Variants in FAT3 observed in about 807,000 individuals in gnomAD.
FAT3 encodes the protein protocadherin Fat 3.
In FAT3, 95 loss-of-function variants were observed where a neutral mutation model predicts 310.2. The ratio of observed to expected loss-of-function variants is 0.31; its 90% CI spans 0.26 to 0.36. The LOEUF (loss-of-function observed/expected upper bound fraction) is 0.36. FAT3 is among the 10% of genes least tolerant of loss of function. FAT3 has a pLI of 1.00. For missense variants in FAT3, 5,408 were observed against 5,715.6 expected (o/e 0.95, Z 1.74); for synonymous variants, 2,314 against 2,192.9 (o/e 1.06, Z -1.54).
chr11:92,446,232 A>G (rs1951204386), intron 2 of FAT3, among the ~76,000 whole-genome samples: 1 of 152,226 alleles, frequency 6.6e-6, no homozygotes, highest in African/African-American at 2.4e-5. Flanking sequence ...TTACATGCAC[A>G]ATCACAAAAT....
At chr11:92,358,645 C>G (rs1439323582) in intron 2 of FAT3, among the ~76,000 whole-genome samples, 2 of 152,004 alleles carry the variant, frequency 1.3e-5, no homozygotes, top group African/African-American at 4.8e-5. Flanking sequence ...AGAATCTAAG[C>G]CCAAGGAGCT....
chr11:92,328,021 T>G (rs1947811565), intron 1 of FAT3, among the ~76,000 whole-genome samples: 1 of 152,188 alleles, frequency 6.6e-6, no homozygotes, highest in African/African-American at 2.4e-5. Flanking sequence ...GCTATGATTT[T>G]CAGCCTTGCA....
chr11:92,292,970 A>G (rs891778882), intron 1 of FAT3, among the ~76,000 whole-genome samples: 4 of 150,694 alleles, frequency 2.7e-5, no homozygotes, highest in African/African-American at 7.3e-5. Context: ...CAATGATTGC[A>G]CTTGTGAATA....
chr11:92,358,390 A>G (rs1948790344), intron 2 of FAT3, among the ~76,000 whole-genome samples: 2 of 152,074 alleles, frequency 1.3e-5, no homozygotes, highest in South Asian at 4.2e-4. Flanking sequence ...ATCCTAATCC[A>G]TTGCCCTTTC....
chr11:92,513,485 A>G (rs2135319557), intron 2 of FAT3, among the ~76,000 whole-genome samples: 1 of 152,344 alleles, frequency 6.6e-6, no homozygotes, highest in Non-Finnish European at 1.5e-5. Context: ...GCTCTCAGAA[A>G]TAAATCTAGT....
At chr11:92,825,831 T>G (rs1948087908) in intron 13 of FAT3, among the ~76,000 whole-genome samples, 1 of 152,056 alleles carries the variant, frequency 6.6e-6, no homozygotes, top group Admixed American at 6.5e-5. Context: ...TAGGAGTCCC[T>G]TAAGGCAGTC....
chr11:92,362,289 C>G (rs1402040549), intron 2 of FAT3, among the ~76,000 whole-genome samples: 2 of 152,168 alleles, frequency 1.3e-5, no homozygotes, highest in African/African-American at 4.8e-5. Context: ...TACTGTCAAG[C>G]TAATTTCTAT....
At chr11:92,560,101 C>T (rs1231231160) in intron 3 of FAT3, among the ~76,000 whole-genome samples, 1 of 152,102 alleles carries the variant, frequency 6.6e-6, no homozygotes, top group African/African-American at 2.4e-5. Flanking sequence ...TCAGTTTTTC[C>T]ACACACTCCT....
intron 3 of FAT3, among the ~76,000 whole-genome samples, chr11:92,626,883 G>A (rs1017989264): frequency 2.0e-5 from 3 of 152,200 alleles, no homozygotes; most frequent in African/African-American, 7.2e-5. Flanking sequence ...TATGGAGGGA[G>A]CCCCCATCAT....
intron 2 of FAT3, among the ~76,000 whole-genome samples, chr11:92,379,106 T>C (rs547436762): frequency 2.0e-5 from 3 of 152,276 alleles, no homozygotes; most frequent in Admixed American, 2.0e-4. Context: ...TCCATATGCT[T>C]TCTGTAAGAA....
intron 2 of FAT3, among the ~76,000 whole-genome samples, chr11:92,492,275 C>T (rs545793853): frequency 6.6e-6 from 1 of 151,510 alleles, no homozygotes; most frequent in East Asian, 2.0e-4. Flanking sequence ...ATCCATCCAT[C>T]CATCCATCCA....
At chr11:92,345,134 TTTATGATTATAA>T (rs948118537) in intron 1 of FAT3, among the ~76,000 whole-genome samples, 5 of 152,120 alleles carry the variant, frequency 3.3e-5, no homozygotes, top group Non-Finnish European at 7.4e-5. Flanking sequence ...GTCTCTATGT[TTTATGATTATAA>T]TTCCTATTTG....
At chr11:92,599,283 G>A (rs796595593) in intron 3 of FAT3, among the ~76,000 whole-genome samples, 1 of 152,114 alleles carries the variant, frequency 6.6e-6, no homozygotes, top group South Asian at 2.1e-4. Flanking sequence ...AAGCAAACAC[G>A]TCCTTCTTCA....
intron 3 of FAT3, among the ~76,000 whole-genome samples, chr11:92,598,753 G>C (rs984630365): frequency 1.3e-5 from 2 of 152,106 alleles, no homozygotes; most frequent in African/African-American, 4.8e-5. Context: ...TTGAGGCCTG[G>C]CTCTTTTATT....
chr11:92,879,650 T>G (rs1456761719), intron 22 of FAT3, among the ~76,000 whole-genome samples: 1 of 152,184 alleles, frequency 6.6e-6, no homozygotes, highest in Non-Finnish European at 1.5e-5. Flanking sequence ...TAACCAAAAT[T>G]ATAATACTAT....
rs758587642 is a variant in FAT3, at chr11:92,412,702, GATATATATATATATATATATAT to G, written c.3292+57320_3292+57341del. On this transcript the variant is annotated intron_variant, in intron 2 of 27. Transcript: ENST00000525166. ...GTAAAAGTCCAACTATGATGGTGGTGATATATATATATATATATATATATATATATATATATATATATAAATA... is the reference window on the plus strand; with the variant it reads ...GTAAAAGTCCAACTATGATGGTGGTGATATATATATATATATATATAAATA... 4.5e-4 allele frequency among the ~76,000 whole-genome samples: 6 copies of G among 13,448 alleles called. 1 individual carries two copies. Among genetic ancestry groups the G allele is most frequent in the East Asian group, 3.8e-3 (1 of 260 alleles). The allele number at this position is 13,448 out of a possible 152,430, so 8.8% of individuals were successfully genotyped here.
chr11:92,241,718 GT>G (rs1241131758), intron 1 of FAT3, among the ~76,000 whole-genome samples: 1 of 151,702 alleles, frequency 6.6e-6, no homozygotes, highest in Admixed American at 6.6e-5. Context: ...TAGTTAAAGG[GT>G]ATTATTTATT....
At chr11:92,648,631 C>A (rs190623638) in intron 3 of FAT3, among the ~76,000 whole-genome samples, 4 of 152,186 alleles carry the variant, frequency 2.6e-5, no homozygotes, top group African/African-American at 4.8e-5. Context: ...CTGCCCAATC[C>A]TACTCCCTTT....
chr11:92,839,464 G>A (rs1948483787), intron 17 of FAT3, among the ~76,000 whole-genome samples: 1 of 152,200 alleles, frequency 6.6e-6, no homozygotes, highest in African/African-American at 2.4e-5. Context: ...AAGGACACTT[G>A]TGAAAAGGAG....
Sources: gnomAD v4.1 joint callset for allele counts (sites outside exome capture counted in the v4.1 genomes callset) on GRCh38, gnomAD v4.1.1 for gene constraint, MANE v1.5 for transcripts, NCBI Gene and HGNC (gene_info 2026-07-23, HGNC 2026-07-21) for gene names.